The following MACF1 variants were observed in gnomAD, a reference collection of about 807,000 sequenced individuals.
MACF1 encodes microtubule actin crosslinking factor 1, also known as microtubule-actin cross-linking factor 1.
MACF1 carries 193 observed loss-of-function variants against 854.8 expected under a neutral mutation model. The ratio of observed to expected loss-of-function variants is 0.23; its 90% CI spans 0.20 to 0.25. The LOEUF (loss-of-function observed/expected upper bound fraction) is 0.25. MACF1 is among the 10% of genes least tolerant of loss of function. The probability of loss-of-function intolerance (pLI) is 1.00; values close to 1 mark genes in which losing one functional copy is unlikely to be tolerated. For synonymous variants in MACF1, 3,185 were observed against 3,226.7 expected, an observed-to-expected ratio of 0.99 and a Z score of 0.44; for missense variants, 7,722 against 8,929.1, an observed-to-expected ratio of 0.86 and a Z score of 5.45.
At chr1:39,459,058 C>G (rs1240276684) in intron 90 of MACF1, 28 bp from the exon 91 acceptor site, 1 of 1,595,712 alleles carries the variant, frequency 6.3e-7, no homozygotes, top group Non-Finnish European at 8.5e-7. Flanking sequence ...ACCAGCTGTT[C>G]TAATCTTGTG....
chr1:39,101,513 G>A (rs1642075665), intron 2 of MACF1, among the ~76,000 whole-genome samples: 1 of 150,460 alleles, frequency 6.6e-6, no homozygotes, highest in Non-Finnish European at 1.5e-5. Flanking sequence ...ACAGGTGTGA[G>A]CCACTATGCA....
At chr1:39,338,305 G>A (rs2148479673) in intron 38 of MACF1, among the ~76,000 whole-genome samples, 1 of 151,632 alleles carries the variant, frequency 6.6e-6, no homozygotes, top group South Asian at 2.1e-4. Flanking sequence ...CAAGAGAGGA[G>A]AAAACAGCAG....
intron 58 of MACF1, chr1:39,414,092 C>T (rs536042555): frequency 5.6e-6 from 9 of 1,606,260 alleles, no homozygotes; most frequent in South Asian, 4.4e-5. Flanking sequence ...TCAGTGCCCA[C>T]CCCCGAGGAG....
At chr1:39,433,196 T>C (rs1260026790) in intron 68 of MACF1, 41 bp downstream of exon 68, 2 of 1,250,558 alleles carry the variant, frequency 1.6e-6, no homozygotes, top group South Asian at 2.6e-5. Context: ...TTCCTGTTTT[T>C]ATCATGGTGA....
chr1:39,360,015 ATATATATAT>A (rs1557608896), intron 47 of MACF1, among the ~76,000 whole-genome samples: 35 of 31,948 alleles, frequency 1.1e-3, no homozygotes, highest in African/African-American at 4.6e-3. Flanking sequence ...AAAAAAAAAT[ATATATATAT>A]ATATATATAT....
At chr1:39,133,635 A>G (rs1643075305) in intron 2 of MACF1, among the ~76,000 whole-genome samples, 1 of 152,018 alleles carries the variant, frequency 6.6e-6, no homozygotes, top group Non-Finnish European at 1.5e-5. Context: ...ATGGTGTACA[A>G]TGTGATGTTT....
rs16826072 is a variant in MACF1, at chr1:39,332,761, C to T, written c.6173C>T (p.Thr2058Ile). Residue 2058 changes from threonine (T) to isoleucine (I), a missense_variant, in exon 37 of 101, where the codon ACT (threonine) becomes ATT (isoleucine). This residue lies in a region of MACF1 where 1,531 missense variants were observed against 1,601.6 expected (regional missense o/e 0.96). Transcript: ENST00000564288. Reference sequence around the variant, plus strand: ...GAATATCCCGATCGGGAAGATTGCACTACAGAAAAAGGCAAAAAGACCACT... The same window carrying T: ...GAATATCCCGATCGGGAAGATTGCATTACAGAAAAAGGCAAAAAGACCACT... ...NKEYPDREDCTTEKGKKTTVE... is the reference protein window; with the variant it reads ...NKEYPDREDCITEKGKKTTVE... 1.6e-3 allele frequency: 2,602 copies of T among 1,614,120 alleles called. 35 individuals are homozygous for T. In the African/African-American group the frequency reaches 0.031, roughly 19 times the overall value.
chr1:39,253,827 A>G (rs1211168042), intron 4 of MACF1, among the ~76,000 whole-genome samples: 1 of 152,190 alleles, frequency 6.6e-6, no homozygotes, highest in Non-Finnish European at 1.5e-5. Context: ...AAAATTGGCT[A>G]TCTTGAGCTC....
intron 58 of MACF1, chr1:39,412,628 A>G (rs1358932201): frequency 1.9e-6 from 3 of 1,614,040 alleles, no homozygotes; most frequent in East Asian, 4.5e-5. Flanking sequence ...CCTGAGCTGA[A>G]TGTGGCATCA....
intron 58 of MACF1, among the ~76,000 whole-genome samples, chr1:39,408,416 A>G (rs896378578): frequency 2.0e-5 from 3 of 152,144 alleles, no homozygotes; most frequent in Non-Finnish European, 4.4e-5. Flanking sequence ...CGGTCCGGCA[A>G]GGGGCGCGCT....
intron 36 of MACF1, 39 bp downstream of exon 36, chr1:39,327,392 C>A (rs1557589477): frequency 6.4e-7 from 1 of 1,561,934 alleles, no homozygotes; most frequent in African/African-American, 1.3e-5. Context: ...GGGTGGATAC[C>A]TTTTGAATGG....
intron 2 of MACF1, among the ~76,000 whole-genome samples, chr1:39,133,630 G>A (rs186023394): frequency 2.6e-5 from 4 of 151,850 alleles, no homozygotes; most frequent in Admixed American, 1.3e-4. Flanking sequence ...TCTTTATGGT[G>A]TACAATGTGA....
intron 96 of MACF1, 129 bp downstream of exon 96, chr1:39,468,861 C>A: frequency 1.3e-6 from 1 of 798,028 alleles, no homozygotes; most frequent in Non-Finnish European, 2.1e-6. Context: ...AGGTGTCATC[C>A]CACTAGCACA....
intron 2 of MACF1, among the ~76,000 whole-genome samples, chr1:39,114,478 A>T (rs1642497671): frequency 6.6e-6 from 1 of 152,134 alleles, no homozygotes. Context: ...CAGTAGTCCC[A>T]GCTATTTGGG....
rs1239571353 is a variant in MACF1 at position 39,387,450 on chromosome 1, A to G, written c.14608A>G (p.Lys4870Glu). The stretch of plus-strand genomic sequence containing the variant: ...TCTTTCTGTACCTCCTGGAGAAGAG[A>G]AAAGGACTCTACAAAACCAGTTGGT... ...LLLSVPPGEE[K>E]RTLQNQLVEL... Residue 4870 changes from lysine (K) to glutamate (E), a missense_variant, in exon 58 of 101, where the codon AAA becomes GAA. Lys to Glu is a moderately conservative substitution (Grantham distance 56). Around this residue, in one of 15 missense-constraint regions of MACF1, gnomAD observed 2,807 missense variants for 3,235.8 expected, o/e 0.87. Coordinates refer to ENST00000564288, the MANE Select transcript of MACF1 (RefSeq NM_001394062.1). 2 of 1,614,098 alleles carry G rather than the reference A, an allele frequency of 1.2e-6. No individual in the cohort carries two copies. The highest frequency in any genetic ancestry group is 1.7e-6 in the Non-Finnish European group (2 of 1,180,050).
intron 2 of MACF1, among the ~76,000 whole-genome samples, chr1:39,108,506 G>GTTTTTTT (rs778050199): frequency 2.5e-5 from 3 of 120,672 alleles, no homozygotes; most frequent in Non-Finnish European, 3.5e-5. Context: ...ACATGAGAGG[G>GTTTTTTT]TTTTTTTTTT....
At chr1:39,376,080 T>A (rs1484382692) in intron 52 of MACF1, among the ~76,000 whole-genome samples, 1 of 152,218 alleles carries the variant, frequency 6.6e-6, no homozygotes, top group Non-Finnish European at 1.5e-5. Context: ...ACCTTTCCAA[T>A]CAGGGACACT....
Position 39,285,424 on chromosome 1 carries a change from T to A in MACF1, c.1353+34T>A. Reference sequence around the variant, plus strand: ...CTGACTGTTTTGTCCAACATCTGTGTCACATGTTTCCTGCTTCTCACCCTC... The same window carrying A: ...CTGACTGTTTTGTCCAACATCTGTGACACATGTTTCCTGCTTCTCACCCTC... On this transcript the variant is annotated intron_variant, in intron 13 of 100. Transcript: ENST00000564288. 3 of 1,605,338 alleles carry A rather than the reference T, an allele frequency of 1.9e-6. 1 individual carries two copies. Among genetic ancestry groups the A allele is most frequent in the Non-Finnish European group, 2.6e-6 (3 of 1,172,958 alleles).
At chr1:39,340,057 ACCC>A (rs1646902177) in intron 38 of MACF1, among the ~76,000 whole-genome samples, 2 of 152,108 alleles carry the variant, frequency 1.3e-5, no homozygotes, top group African/African-American at 4.8e-5. Context: ...TGGTTCCATG[ACCC>A]TGGAATTTAG....
Sources: allele counts gnomAD v4.1 joint callset (sites outside exome capture counted in the v4.1 genomes callset), GRCh38; gene constraint gnomAD v4.1.1; regional missense constraint gnomAD v4.1.1; transcripts MANE v1.5; gene names NCBI Gene and HGNC (gene_info 2026-07-23, HGNC 2026-07-21).